EPB41L4A: variants seen among roughly 807,000 people sequenced by gnomAD.
EPB41L4A encodes erythrocyte membrane protein band 4.1 like 4A.
Under a neutral mutation model 108.6 loss-of-function variants are expected in EPB41L4A, and 100 were observed. That is an observed-to-expected ratio of 0.92 (90% confidence interval 0.78 to 1.09). The LOEUF (loss-of-function observed/expected upper bound fraction) is 1.09, where lower values mean the gene tolerates loss of function less well. Ranked by LOEUF, EPB41L4A falls within the 50% of genes least tolerant of loss-of-function variation. EPB41L4A has a pLI of 0.00. For missense variants in EPB41L4A, 1,030 were observed against 842.7 expected, an observed-to-expected ratio of 1.22 and a Z score of -2.75; for synonymous variants, 319 against 289.0, an observed-to-expected ratio of 1.10 and a Z score of -1.05.
chr5:112,283,248 A>G (rs1753076620), intron 2 of EPB41L4A, among the ~76,000 whole-genome samples: 1 of 152,248 alleles, frequency 6.6e-6, no homozygotes, highest in African/African-American at 2.4e-5. Context: ...AGAGCCGGCC[A>G]CACACAAATC....
chr5:112,209,279 G>C (rs1470512953), intron 13 of EPB41L4A, among the ~76,000 whole-genome samples: 2 of 152,196 alleles, frequency 1.3e-5, no homozygotes, highest in African/African-American at 2.4e-5. Flanking sequence ...AACATAATTG[G>C]AGAGAAGAAA....
chr5:112,276,797 T>C (rs1752655860), intron 3 of EPB41L4A, among the ~76,000 whole-genome samples: 1 of 152,190 alleles, frequency 6.6e-6, no homozygotes, highest in South Asian at 2.1e-4. Context: ...TACATACACA[T>C]ACTTATGTGT....
At chr5:112,235,250 G>C (rs1483771935) in intron 11 of EPB41L4A, among the ~76,000 whole-genome samples, 1 of 152,216 alleles carries the variant, frequency 6.6e-6, no homozygotes, top group Non-Finnish European at 1.5e-5. Flanking sequence ...GCCAGATCAA[G>C]TGTCCAGGAA....
At chr5:112,355,366 T>A (rs1758299624) in intron 1 of EPB41L4A, among the ~76,000 whole-genome samples, 1 of 152,206 alleles carries the variant, frequency 6.6e-6, no homozygotes, top group South Asian at 2.1e-4. Flanking sequence ...TTAAATTAAG[T>A]ATGAAATTTC....
intron 13 of EPB41L4A, among the ~76,000 whole-genome samples, chr5:112,208,389 C>T (rs1762572101): frequency 6.6e-6 from 1 of 151,930 alleles, no homozygotes; most frequent in Admixed American, 6.6e-5. Context: ...TGGAATACTA[C>T]ACAGCCATAA....
chr5:112,244,166 A>G (rs895753130), intron 9 of EPB41L4A, among the ~76,000 whole-genome samples: 2 of 152,218 alleles, frequency 1.3e-5, no homozygotes, highest in African/African-American at 4.8e-5. Flanking sequence ...CCTAGTTTCA[A>G]TATTACTGTT....
chr5:112,287,217 C>G (rs1365085275), intron 2 of EPB41L4A, among the ~76,000 whole-genome samples: 1 of 152,180 alleles, frequency 6.6e-6, no homozygotes, highest in South Asian at 2.1e-4. Context: ...CACTTAGATG[C>G]CTGTTAGAAT....
At chr5:112,349,041 C>G (rs994693286) in intron 1 of EPB41L4A, among the ~76,000 whole-genome samples, 17 of 152,182 alleles carry the variant, frequency 1.1e-4, no homozygotes, top group Admixed American at 2.0e-4. Context: ...AGAGAGGAAA[C>G]TCCCAGGAAA....
chr5:112,174,883 C>T (rs1233858691), intron 18 of EPB41L4A, among the ~76,000 whole-genome samples: 1 of 151,898 alleles, frequency 6.6e-6, no homozygotes, highest in Non-Finnish European at 1.5e-5. Context: ...AACAAATATC[C>T]CAGTCATTCT....
intron 3 of EPB41L4A, among the ~76,000 whole-genome samples, chr5:112,277,037 C>G (rs1752665280): frequency 6.6e-6 from 1 of 152,218 alleles, no homozygotes; most frequent in South Asian, 2.1e-4. Context: ...AAATACACCT[C>G]TATCCCTGAA....
At chr5:112,388,918 C>T (rs1349360227) in intron 1 of EPB41L4A, among the ~76,000 whole-genome samples, 1 of 152,176 alleles carries the variant, frequency 6.6e-6, no homozygotes, top group Non-Finnish European at 1.5e-5. Context: ...CCTTTAGCCC[C>T]CTGCTATGAG....
At chr5:112,379,018 T>C (rs1759998497) in intron 1 of EPB41L4A, among the ~76,000 whole-genome samples, 1 of 152,150 alleles carries the variant, frequency 6.6e-6, no homozygotes, top group African/African-American at 2.4e-5. Flanking sequence ...TGCAGGGGTG[T>C]ACAGATGTGC....
At chr5:112,211,904 T>G (rs967312803) in intron 12 of EPB41L4A, among the ~76,000 whole-genome samples, 1 of 152,200 alleles carries the variant, frequency 6.6e-6, no homozygotes, top group East Asian at 1.9e-4. Flanking sequence ...AAGGTGAGCC[T>G]GAAGACACCT....
At chr5:112,247,494 C>G (rs1177848919) in intron 9 of EPB41L4A, among the ~76,000 whole-genome samples, 3 of 152,138 alleles carry the variant, frequency 2.0e-5, no homozygotes, top group Non-Finnish European at 4.4e-5. Flanking sequence ...CTGAGAATTA[C>G]CACCTACTAG....
At chr5:112,372,469 ACGGAAGGC>A in intron 1 of EPB41L4A, among the ~76,000 whole-genome samples, 1 of 152,346 alleles carries the variant, frequency 6.6e-6, no homozygotes, top group Non-Finnish European at 1.5e-5. Flanking sequence ...GCAAACTGTT[ACGGAAGGC>A]TCTGTCTGAG....
intron 1 of EPB41L4A, among the ~76,000 whole-genome samples, chr5:112,405,067 GGTGTGACCAAAAA>G: frequency 6.6e-6 from 1 of 152,152 alleles, no homozygotes; most frequent in African/African-American, 2.4e-5. Flanking sequence ...TCACACGAGT[GGTGTGACCAAAAA>G]ACTACAGCAG....
chr5:112,239,682 T>A lies in EPB41L4A; in HGVS notation c.943A>T (p.Ile315Leu), dbSNP rs1749633613. ...TACCTGTAGCGGTGCTTATAACGTA[T>A]GGATCCAAACTTGCTGAGTTTTCTT... ...LSRKLSKFGS[I>L]RYKHRYSGRT... The change falls in exon 11 of 23, where the codon ATA becomes TTA. Residue 315 changes from isoleucine (I) to leucine (L), a missense_variant. By Grantham distance (5) the Ile-to-Leu change is conservative (BLOSUM62 2). Coordinates refer to ENST00000261486, the MANE Select transcript of EPB41L4A (RefSeq NM_022140.5). 2 of 1,608,062 alleles carry A rather than the reference T, an allele frequency of 1.2e-6. No individual in the cohort carries two copies. The highest frequency in any genetic ancestry group is 1.3e-5 in the African/African-American group (1 of 74,676).
At chr5:112,347,037 T>C (rs956109459) in intron 1 of EPB41L4A, among the ~76,000 whole-genome samples, 5 of 152,106 alleles carry the variant, frequency 3.3e-5, no homozygotes, top group Non-Finnish European at 5.9e-5. Context: ...AAACCAACTG[T>C]GTCCTGAACC....
chr5:112,266,906 C>T (rs12719140), intron 4 of EPB41L4A, among the ~76,000 whole-genome samples: 36,210 of 152,112 alleles, frequency 0.24, 4,464 homozygotes, highest in East Asian at 0.27. Context: ...TTATGTATAA[C>T]AACTTAGGTT....
Sources: gnomAD v4.1 joint callset for allele counts (sites outside exome capture counted in the v4.1 genomes callset) on GRCh38, gnomAD v4.1.1 for gene constraint, MANE v1.5 for transcripts, NCBI Gene and HGNC (gene_info 2026-07-23, HGNC 2026-07-21) for gene names.